The following CEP164 variants were observed in gnomAD, a reference collection of about 807,000 sequenced individuals.
CEP164 encodes centrosomal protein of 164 kDa.
In CEP164, 162 loss-of-function variants were observed where a neutral mutation model predicts 182.7. That is an observed-to-expected ratio of 0.89 (90% CI 0.78 to 1.01). The LOEUF is 1.01. Among genes scored for constraint, CEP164 ranks in the 50% least tolerant of loss-of-function variants. The pLI is 0.00. For missense variants in CEP164, 1,735 were observed against 1,790.4 expected, an observed-to-expected ratio of 0.97 and a Z score of 0.56; for synonymous variants, 661 against 690.0, an observed-to-expected ratio of 0.96 and a Z score of 0.66.
At chr11:117,349,995 AAAC>A in intron 4 of CEP164, among the ~76,000 whole-genome samples, 2 of 151,830 alleles carry the variant, frequency 1.3e-5, no homozygotes, top group Non-Finnish European at 2.9e-5. Flanking sequence ...GGCTGGTCTC[AAAC>A]TCCTGACCTC....
intron 18 of CEP164, 47 bp from the exon 19 acceptor site, chr11:117,392,449 G>A (rs1436811506): frequency 1.9e-6 from 3 of 1,595,890 alleles, no homozygotes; most frequent in Non-Finnish European, 2.6e-6. Flanking sequence ...CAGCTGTACA[G>A]TCTGTCTGAG....
chr11:117,405,969 A>G (rs901170661), intron 27 of CEP164, among the ~76,000 whole-genome samples: 2 of 152,210 alleles, frequency 1.3e-5, no homozygotes, highest in African/African-American at 4.8e-5. Flanking sequence ...ACAAGTCTCT[A>G]GGAGGTTCCA....
At position 117,334,783 on chromosome 11, in the gene CEP164, TC is replaced by T. The variant is rs1393261437; in HGVS notation, c.-97-821del. Among the ~76,000 whole-genome samples the T allele has an allele frequency of 2.0e-3, 89 of 44,210 alleles. 5 individuals carry two copies. In the South Asian group the frequency reaches 0.055, roughly 27 times the overall value. The allele number at this position is 44,210 out of a possible 152,430, so 29.0% of individuals were successfully genotyped here. A position where few individuals can be genotyped will look rare whatever the true frequency, so the allele number is the denominator to read the frequency against. On this transcript the variant is annotated intron_variant, in intron 1 of 32. Coordinates refer to ENST00000278935, the MANE Select transcript of CEP164 (RefSeq NM_014956.5). ...CTGGGTGACAGACTGAGACTTCGTT[TC>T]AAAAAAAAAAAAAAAAAAAGGTAAA...
rs759976166 is a variant in CEP164 at position 117,338,577 on chromosome 11, CAG to C, written c.-8_-7del. On this transcript the variant is annotated 5_prime_UTR_variant, in exon 3 of 33. It adds an upstream start codon to the 5' untranslated region. Transcript: ENST00000278935. ...CCTCTGGGATCTAGGTGTTTGAGCC[CAG>C]ATGAGTCATGGCTGGACGACCCCTC... 6.2e-7 allele frequency: 1 copy of C among 1,612,996 alleles called. No individual in the cohort carries two copies. The highest frequency in any genetic ancestry group is 1.1e-5 in the South Asian group (1 of 91,052).
chr11:117,395,825 C>T (rs1261324616), intron 24 of CEP164, 103 bp downstream of exon 24: 1 of 1,388,496 alleles, frequency 7.2e-7, no homozygotes, highest in Non-Finnish European at 9.8e-7. Context: ...AGGTGGAGTC[C>T]CAGCTTGGGA....
chr11:117,359,323 T>C, intron 5 of CEP164: 1 of 732,666 alleles, frequency 1.4e-6, no homozygotes, highest in Non-Finnish European at 1.7e-6. Context: ...TCTCAGGTGG[T>C]TGTGAGAGTA....
intron 1 of CEP164, among the ~76,000 whole-genome samples, chr11:117,331,981 A>AATATATATATATATATATATATAT (rs56696952): frequency 2.1e-5 from 3 of 142,286 alleles, no homozygotes; most frequent in African/African-American, 7.9e-5. Flanking sequence ...ATGCCTGGCT[A>AATATATATATATATATATATATAT]ATATATATAT....
At chr11:117,364,752 G>A (rs1188413176) in intron 8 of CEP164, among the ~76,000 whole-genome samples, 1 of 151,950 alleles carries the variant, frequency 6.6e-6, no homozygotes, top group African/African-American at 2.4e-5. Flanking sequence ...CCTACCTTGG[G>A]CTCCCGAAGT....
chr11:117,324,457 A>AT (rs397814259), upstream of CEP164, among the ~76,000 whole-genome samples: 1 of 150,772 alleles, frequency 6.6e-6, no homozygotes, highest in Non-Finnish European at 1.5e-5. Context: ...AAAAAAAAAA[A>AT]TTTGTGTGTC....
intron 1 of CEP164, among the ~76,000 whole-genome samples, chr11:117,334,203 G>A (rs1261621642): frequency 6.6e-6 from 1 of 152,164 alleles, no homozygotes; most frequent in Non-Finnish European, 1.5e-5. Flanking sequence ...ATAAATGCAC[G>A]TGGTAGGTGC....
chr11:117,355,601 G>C (rs2040213012), intron 5 of CEP164: 1 of 1,199,966 alleles, frequency 8.3e-7, no homozygotes. Context: ...CATGTTGCCT[G>C]CCAGGAAGAG....
At chr11:117,389,449 A>G (rs971844506) in intron 15 of CEP164, among the ~76,000 whole-genome samples, 4 of 152,228 alleles carry the variant, frequency 2.6e-5, no homozygotes, top group Non-Finnish European at 4.4e-5. Context: ...GTCAGCTACT[A>G]TGTGTGGTAC....
Position 117,411,820 on chromosome 11 carries a change from TC to T in CEP164, c.4192del (p.His1398IlefsTer15). 1 of 1,614,100 alleles carries T rather than the reference TC, an allele frequency of 6.2e-7. No homozygotes were observed. Among genetic ancestry groups the T allele is most frequent in the African/African-American group, 1.3e-5 (1 of 75,016 alleles). The stretch of plus-strand genomic sequence containing the variant: ...TGAGCAGCTCCGGCTCCTACAGCAC[TC>T]CCATTCGCAAGTCCCTGAGGCGGGC... The part of the protein sequence containing the change: ...ASEQLRLLQH[S>X]HSQVPEAGST... On this transcript the variant is annotated frameshift_variant, in exon 32 of 33. Coordinates refer to ENST00000278935, the MANE Select transcript of CEP164 (RefSeq NM_014956.5). LOFTEE classifies it high-confidence loss of function. The surrounding 1 kb of genome is among the most constrained non-coding windows in gnomAD (Gnocchi z 4.4).
chr11:117,408,863 G>A (rs2047001142), intron 28 of CEP164, 27 bp from the exon 29 acceptor site: 1 of 1,613,992 alleles, frequency 6.2e-7, no homozygotes, highest in South Asian at 1.1e-5. Flanking sequence ...GGAGAGGTGG[G>A]TCATAACTGC....
At chr11:117,390,030 C>A (rs2044422844) in intron 15 of CEP164, among the ~76,000 whole-genome samples, 1 of 150,536 alleles carries the variant, frequency 6.6e-6, no homozygotes. Flanking sequence ...GCAACCTCTG[C>A]CTCCCAGGTT....
chr11:117,396,512 T>C (rs1420732603), intron 25 of CEP164, 38 bp from the exon 26 acceptor site: 7 of 1,567,304 alleles, frequency 4.5e-6, no homozygotes, highest in Non-Finnish European at 6.2e-6. Context: ...TGTCTGCTTT[T>C]GCTACACTCA....
chr11:117,405,812 A>G (rs924280349), intron 27 of CEP164, among the ~76,000 whole-genome samples: 3 of 152,232 alleles, frequency 2.0e-5, no homozygotes, highest in African/African-American at 7.2e-5. Flanking sequence ...CTAGGGCTGG[A>G]GCAAAATGCT....
rs1161697729 is a variant in CEP164, at chr11:117,390,759, C to T, written c.1935-18C>T. 2 of 1,613,896 alleles carry T rather than the reference C, an allele frequency of 1.2e-6. No homozygotes were observed. The highest frequency in any genetic ancestry group is 1.7e-5 in the Admixed American group (1 of 60,002). On this transcript the variant is annotated intron_variant, in intron 15 of 32. Transcript: ENST00000278935. ...TTTGTGGTTTCTCTGACAACCTAGC[C>T]TTTCCTTTCCATCTCAGTTCCTTGA...
At chr11:117,335,424 C>T (rs2036931468) in intron 1 of CEP164, among the ~76,000 whole-genome samples, 181 bp from the exon 2 acceptor site, 2 of 152,008 alleles carry the variant, frequency 1.3e-5, no homozygotes, top group South Asian at 4.1e-4. Context: ...GGCAGGACTC[C>T]TCTGTTGCCC....
Sources: gnomAD v4.1 joint callset for allele counts (sites outside exome capture counted in the v4.1 genomes callset) on GRCh38, gnomAD v4.1.1 for gene constraint, Gnocchi (gnomAD v3.1) non-coding constraint, MANE v1.5 for transcripts, NCBI Gene and HGNC (gene_info 2026-07-23, HGNC 2026-07-21) for gene names.